The following ZNF346 variants were observed in gnomAD, a reference collection of about 807,000 sequenced individuals.
ZNF346 encodes the protein double-stranded RNA-binding zinc finger protein JAZ.
Under a neutral mutation model 33.7 loss-of-function variants are expected in ZNF346, and 23 were observed. The ratio of observed to expected loss-of-function variants is 0.68; its 90% confidence interval spans 0.49 to 0.97. The LOEUF is 0.97. ZNF346 is among the 50% of genes least tolerant of loss of function. The pLI is 0.00. For missense variants in ZNF346, 340 were observed against 371.1 expected (o/e 0.92, Z 0.69); for synonymous variants, 134 against 142.4 (o/e 0.94, Z 0.42).
At chr5:177,074,512 C>G (rs1459202164) in intron 8 of ZNF346, among the ~76,000 whole-genome samples, 1 of 152,206 alleles carries the variant, frequency 6.6e-6, no homozygotes, top group African/African-American at 2.4e-5. Flanking sequence ...CCAGGACTTA[C>G]AGTCATGCTC....
intron 5 of ZNF346, among the ~76,000 whole-genome samples, chr5:177,054,234 G>A (rs566019962): frequency 4.9e-4 from 75 of 151,772 alleles, no homozygotes; most frequent in African/African-American, 1.8e-3. Context: ...ACCACACCTG[G>A]CTACTTTTTT....
At chr5:177,043,988 A>C (rs1322226955) in intron 3 of ZNF346, among the ~76,000 whole-genome samples, 1 of 152,130 alleles carries the variant, frequency 6.6e-6, no homozygotes, top group Non-Finnish European at 1.5e-5. Context: ...GGAGCACAGA[A>C]GAGGAGCAGG....
intron 8 of ZNF346, among the ~76,000 whole-genome samples, chr5:177,076,347 C>T (rs772388133): frequency 6.6e-6 from 1 of 152,192 alleles, no homozygotes; most frequent in Non-Finnish European, 1.5e-5. Flanking sequence ...AAATTTTAGT[C>T]AGGCTTCTGA....
chr5:177,056,339 C>T (rs993377763), intron 5 of ZNF346, among the ~76,000 whole-genome samples: 26 of 152,178 alleles, frequency 1.7e-4, no homozygotes, highest in African/African-American at 6.0e-4. Flanking sequence ...TAAACTAGTT[C>T]AACCATTGTG....
intron 4 of ZNF346, among the ~76,000 whole-genome samples, chr5:177,048,674 C>G (rs967999366): frequency 1.3e-5 from 2 of 151,996 alleles, no homozygotes; most frequent in Non-Finnish European, 2.9e-5. Context: ...ACACTCTACT[C>G]TCTGTGCTTT....
chr5:177,078,763 T>C (rs1783868511), intron 8 of ZNF346, among the ~76,000 whole-genome samples: 1 of 147,412 alleles, frequency 6.8e-6, no homozygotes. Flanking sequence ...ACACAAAAAT[T>C]AGCCAGGCAT....
At position 177,030,892 on chromosome 5, in the gene ZNF346, T is replaced by C. The variant is rs1022696913; in HGVS notation, c.175+7979T>C. Among the ~76,000 whole-genome samples, 5 of 151,938 alleles carry C rather than the reference T, an allele frequency of 3.3e-5. No individual in the cohort carries two copies. In the South Asian group the frequency reaches 1.0e-3, roughly 32 times the overall value. On this transcript the variant is annotated intron_variant, in intron 1 of 6. Transcript: ENST00000358149. ...ATGTGGCATTTTTGTGACTGGCTTC[T>C]TTCGCTTAGTGTAATTTTTTTTTTT...
At chr5:177,075,062 T>G (rs1015212596) in intron 8 of ZNF346, among the ~76,000 whole-genome samples, 6 of 147,686 alleles carry the variant, frequency 4.1e-5, no homozygotes, top group African/African-American at 1.3e-4. Flanking sequence ...CAAGACTCCC[T>G]CCGTCTCAAA....
chr5:177,055,952 C>T (rs200139476), intron 5 of ZNF346, among the ~76,000 whole-genome samples: 2 of 151,250 alleles, frequency 1.3e-5, no homozygotes, highest in East Asian at 1.9e-4. Context: ...GGCATGCACC[C>T]GTAATCCCAG....
intron 1 of ZNF346, among the ~76,000 whole-genome samples, chr5:177,037,613 C>T (rs978100661): frequency 1.3e-5 from 2 of 152,162 alleles, no homozygotes; most frequent in Non-Finnish European, 1.5e-5. Context: ...AACCTATTGC[C>T]GGAACATAAT....
At chr5:177,030,303 G>T (rs962846486) in intron 1 of ZNF346, among the ~76,000 whole-genome samples, 11 of 151,904 alleles carry the variant, frequency 7.2e-5, no homozygotes, top group African/African-American at 1.9e-4. Flanking sequence ...GAATATACTT[G>T]AGATGAGTTC....
In ZNF346 at chr5:177,053,411, A is replaced by G. The variant is rs144153206; in HGVS notation, c.703+2475A>G. ...AGTCATCCTTCTACCTTGGCCGCCC[A>G]AAGGGCTGTGATTACAGGCATGAGC... On this transcript the variant is annotated intron_variant, in intron 5 of 6. Coordinates refer to ENST00000358149, the MANE Select transcript of ZNF346 (RefSeq NM_012279.4). 7.7e-3 allele frequency among the ~76,000 whole-genome samples: 1,160 copies of G among 151,380 alleles called. 8 individuals carry two copies. Among genetic ancestry groups the G allele is most frequent in the Middle Eastern group, 0.014 (4 of 294 alleles).
At chr5:177,041,272 G>C (rs1779305379) in intron 2 of ZNF346, 43 bp downstream of exon 2, 1 of 1,493,154 alleles carries the variant, frequency 6.7e-7, no homozygotes, top group Non-Finnish European at 9.3e-7. Flanking sequence ...TTTCAGACCT[G>C]GTGCCAAACC....
chr5:177,038,259 T>TTG (rs1778808304), intron 1 of ZNF346, among the ~76,000 whole-genome samples: 1 of 148,510 alleles, frequency 6.7e-6, no homozygotes, highest in Non-Finnish European at 1.5e-5. Context: ...CAACTACGTT[T>TTG]TTTTTTTTTG....
At chr5:177,073,953 G>A (rs1203045093) in intron 8 of ZNF346, among the ~76,000 whole-genome samples, 2 of 152,036 alleles carry the variant, frequency 1.3e-5, no homozygotes, top group South Asian at 2.1e-4. Flanking sequence ...TGCAGCTTCC[G>A]TTCCTGACCC....
Position 177,044,491 on chromosome 5 carries a change from G to T in ZNF346, c.475G>T (p.Ala159Ser). 2 of 1,613,966 alleles carry T rather than the reference G, an allele frequency of 1.2e-6. No individual in the cohort carries two copies. Among genetic ancestry groups the T allele is most frequent in the East Asian group, 2.2e-5 (1 of 44,888 alleles). The change falls in exon 4 of 7, where the codon GCA becomes TCA. Residue 159 changes from alanine to serine, a missense_variant. Ala to Ser is a moderately conservative substitution (Grantham distance 99, BLOSUM62 1). Transcript: ENST00000358149. ...AQSHYLGKTH[A>S]KNLKLKQQST... ...GTCGCACTACCTGGGGAAGACCCAC[G>T]CAAAGAACTTAAAGCTGAAGCAGCA...
chr5:177,022,999 C>G (rs978908044), intron 1 of ZNF346, 86 bp downstream of exon 1: 7 of 1,447,216 alleles, frequency 4.8e-6, no homozygotes, highest in African/African-American at 2.8e-5. Context: ...GTCACACCCC[C>G]TGGCCCGCCT....
chr5:177,075,418 CAAAA>C (rs915578408), intron 8 of ZNF346, among the ~76,000 whole-genome samples: 3 of 152,166 alleles, frequency 2.0e-5, no homozygotes, highest in African/African-American at 7.2e-5. Context: ...AACAAACAAA[CAAAA>C]AAATCTACAC....
exon 9 of ZNF346, chr5:177,080,288 G>A (rs1287255214): frequency 6.6e-6 from 1 of 152,228 alleles, no homozygotes; most frequent in Non-Finnish European, 1.5e-5. Flanking sequence ...TCGGTCACAG[G>A]AGGGTGTTGC....
Sources: gnomAD v4.1 joint callset for allele counts (sites outside exome capture counted in the v4.1 genomes callset) on GRCh38, gnomAD v4.1.1 for gene constraint, MANE v1.5 for transcripts, NCBI Gene and HGNC (gene_info 2026-07-23, HGNC 2026-07-21) for gene names.